The following RNF38 variants were observed in gnomAD, a reference collection of about 807,000 sequenced individuals.
RNF38 encodes ring finger protein 38, also known as E3 ubiquitin-protein ligase RNF38.
Under a neutral mutation model 67.2 loss-of-function variants are expected in RNF38, and 15 were observed. The observed-to-expected ratio is 0.22, with a 90% CI of 0.15 to 0.34. RNF38 has a LOEUF of 0.34. Ranked by LOEUF, RNF38 falls within the 10% of genes least tolerant of loss-of-function variation. The pLI is 1.00. For missense variants in RNF38, 524 were observed against 639.9 expected (o/e 0.82, Z 1.95); for synonymous variants, 220 against 218.8 (o/e 1.01, Z -0.05).
intron 1 of RNF38, among the ~76,000 whole-genome samples, chr9:36,452,906 G>A (rs1428966008): frequency 6.6e-6 from 1 of 152,144 alleles, no homozygotes; most frequent in Non-Finnish European, 1.5e-5. Context: ...ATCAGCGGAA[G>A]GGCATTTGAA....
chr9:36,455,378 G>A (rs75517321), intron 1 of RNF38, among the ~76,000 whole-genome samples: 4 of 151,820 alleles, frequency 2.6e-5, no homozygotes, highest in African/African-American at 9.7e-5. Flanking sequence ...ATGAAATATT[G>A]TACTTTATCT....
At chr9:36,406,909 C>T (rs1838197672) in intron 2 of RNF38, among the ~76,000 whole-genome samples, 1 of 152,162 alleles carries the variant, frequency 6.6e-6, no homozygotes, top group Admixed American at 6.5e-5. Context: ...CGCCTGTAAT[C>T]CCAGCACTTT....
chr9:36,370,005 A>T (rs1835257357), intron 3 of RNF38, 73 bp from the exon 4 acceptor site: 1 of 1,193,924 alleles, frequency 8.4e-7, no homozygotes, highest in African/African-American at 1.5e-5. Flanking sequence ...TCTTTCTTTG[A>T]TATCTATCAA....
At chr9:36,407,305 GAA>G (rs1838206476) in intron 2 of RNF38, among the ~76,000 whole-genome samples, 1 of 152,176 alleles carries the variant, frequency 6.6e-6, no homozygotes, top group Admixed American at 6.5e-5. Flanking sequence ...GCTTTGAGGT[GAA>G]GAGTTAGTCA....
At chr9:36,457,056 G>A (rs1453979596) in intron 1 of RNF38, among the ~76,000 whole-genome samples, 1 of 152,078 alleles carries the variant, frequency 6.6e-6, no homozygotes, top group Non-Finnish European at 1.5e-5. Context: ...ATGCAATAAA[G>A]TATAAACTAA....
Position 36,363,063 on chromosome 9 carries a change from TCATC to T in RNF38, c.571-5125_571-5122del, listed in dbSNP as rs1001506306. Among the ~76,000 whole-genome samples the T allele has an allele frequency of 4.0e-5, 4 of 99,356 alleles. 1 individual carries two copies. Among genetic ancestry groups the T allele is most frequent in the Non-Finnish European group, 5.2e-5 (2 of 38,226 alleles). The allele number at this position is 99,356 out of a possible 152,430, so 65.2% of individuals were successfully genotyped here. A position where few individuals can be genotyped will look rare whatever the true frequency, so the allele number is the denominator to read the frequency against. On this transcript the variant is annotated intron_variant, in intron 4 of 11. Transcript: ENST00000259605. ...TCTATGAGACAGGGGTCTTGCTCTA[TCATC>T]CATCCATCCATCCATCCATCCTTAT...
At chr9:36,439,601 T>TA (rs1839147234) in intron 1 of RNF38, among the ~76,000 whole-genome samples, 1 of 151,884 alleles carries the variant, frequency 6.6e-6, no homozygotes, top group Admixed American at 6.6e-5. Flanking sequence ...GGTCAGGAGT[T>TA]AAAGACTAGC....
intron 2 of RNF38, among the ~76,000 whole-genome samples, chr9:36,384,513 G>A (rs1172147301): frequency 6.6e-6 from 1 of 152,194 alleles, no homozygotes; most frequent in Non-Finnish European, 1.5e-5. Flanking sequence ...ATTAGCAGGA[G>A]GGTGGAGTGT....
At chr9:36,441,276 T>C (rs183501160) in intron 1 of RNF38, among the ~76,000 whole-genome samples, 242 of 152,088 alleles carry the variant, frequency 1.6e-3, no homozygotes, top group Non-Finnish European at 2.7e-3. Context: ...AAGATAAAAT[T>C]TACATAATTT....
intron 1 of RNF38, among the ~76,000 whole-genome samples, chr9:36,465,647 T>C (rs144586077): frequency 0.025 from 3,861 of 151,662 alleles, 96 homozygotes; most frequent in Non-Finnish European, 0.038. Flanking sequence ...ACCCGGCCCA[T>C]AGCAGCATTA....
intron 2 of RNF38, among the ~76,000 whole-genome samples, chr9:36,423,766 G>T (rs1260219619): frequency 2.5e-5 from 1 of 40,194 alleles, no homozygotes; most frequent in Non-Finnish European, 6.6e-5. Flanking sequence ...TGGCTAACAC[G>T]GTGAAACCCC....
chr9:36,344,038 G>C lies in RNF38; in HGVS notation c.1385+794C>G, dbSNP rs539451958. On this transcript the variant is annotated intron_variant, in intron 10 of 11. Coordinates refer to ENST00000259605, the MANE Select transcript of RNF38 (RefSeq NM_022781.5). The stretch of plus-strand genomic sequence containing the variant: ...TTAAATTATTATTATTTTTGAGATG[G>C]AGTCTTGCTCTGTCACCCAGGCTGG... Among the ~76,000 whole-genome samples the C allele has an allele frequency of 7.9e-5, 12 of 152,230 alleles. No homozygotes were observed. The East Asian group carries it at 1.5e-3, about 20-fold the overall frequency.
intron 7 of RNF38, 69 bp from the exon 8 acceptor site, chr9:36,352,917 C>G (rs1333871099): frequency 4.4e-6 from 5 of 1,132,410 alleles, no homozygotes; most frequent in Non-Finnish European, 6.5e-6. Context: ...AATAAAGTAT[C>G]TAATTAAAAA....
intron 1 of RNF38, among the ~76,000 whole-genome samples, chr9:36,397,967 C>G (rs1017576340): frequency 6.6e-6 from 1 of 152,166 alleles, no homozygotes; most frequent in Non-Finnish European, 1.5e-5. Context: ...CCCTCTCCCT[C>G]TCTCCAAACA....
In RNF38 at chr9:36,400,126, CTT is replaced by C. The variant is rs759065114; in HGVS notation, c.-20_-19del. On this transcript the variant is annotated 5_prime_UTR_variant, in exon 1 of 12. Transcript: ENST00000259605. ...CAAGCCATACAGACGTAAACAAAAA[CTT>C]TATTTCTTTTTGGACCTCAATAACC... 1.9e-6 allele frequency: 3 copies of C among 1,612,066 alleles called. No individual in the cohort carries two copies. Among genetic ancestry groups the C allele is most frequent in the Non-Finnish European group, 1.7e-6 (2 of 1,179,064 alleles).
At chr9:36,387,663 T>C (rs1436480724) in intron 2 of RNF38, among the ~76,000 whole-genome samples, 2 of 152,330 alleles carry the variant, frequency 1.3e-5, no homozygotes, top group East Asian at 3.9e-4. Flanking sequence ...AATTTAAAAA[T>C]GTTTAAAATA....
At chr9:36,391,458 G>C (rs913270285) in intron 1 of RNF38, among the ~76,000 whole-genome samples, 3 of 151,318 alleles carry the variant, frequency 2.0e-5, no homozygotes. Flanking sequence ...GGGGGTTAAG[G>C]CTCGTGGTCC....
chr9:36,364,694 T>C (rs1834812560), intron 4 of RNF38, among the ~76,000 whole-genome samples: 1 of 152,272 alleles, frequency 6.6e-6, no homozygotes, highest in Admixed American at 6.5e-5. Flanking sequence ...TTTGCCCACC[T>C]GTTCTTTCAT....
At chr9:36,449,341 G>A (rs1839381369) in intron 1 of RNF38, among the ~76,000 whole-genome samples, 1 of 152,074 alleles carries the variant, frequency 6.6e-6, no homozygotes, top group Admixed American at 6.5e-5. Flanking sequence ...TGAGGCAGGA[G>A]GATCACTTGA....
Sources: gnomAD v4.1 joint callset for allele counts (sites outside exome capture counted in the v4.1 genomes callset) on GRCh38, gnomAD v4.1.1 for gene constraint, MANE v1.5 for transcripts, NCBI Gene and HGNC (gene_info 2026-07-23, HGNC 2026-07-21) for gene names.